Variants in LGALS13 observed in about 807,000 individuals in gnomAD.
LGALS13 encodes the protein galectin 13, also known as galactoside-binding soluble lectin 13.
In LGALS13, 11 loss-of-function variants were observed where a neutral mutation model predicts 13.2. The ratio of observed to expected loss-of-function variants is 0.83; its 90% confidence interval spans 0.52 to 1.38. LGALS13 has a LOEUF of 1.38. Ranked by LOEUF, LGALS13 falls within the 40% of genes most tolerant of loss-of-function variation. LGALS13 has a pLI of 0.00. For synonymous variants in LGALS13, 71 were observed against 63.7 expected (o/e 1.11, Z -0.54); for missense variants, 183 against 174.3 (o/e 1.05, Z -0.28).
At chr19:39,605,704 GA>G (rs1466824775) in intron 3 of LGALS13, among the ~76,000 whole-genome samples, 5 of 150,304 alleles carry the variant, frequency 3.3e-5, no homozygotes, top group African/African-American at 1.2e-4. Context: ...TATACTTCAG[GA>G]AAAAAAAGTT....
Position 39,603,272 on chromosome 19 carries a change from C to T in LGALS13, c.15+689C>T, listed in dbSNP as rs72480725. 0.011 allele frequency among the ~76,000 whole-genome samples: 1,699 copies of T among 152,040 alleles called. 181 individuals are homozygous for T. The East Asian group carries it at 0.26, about 24-fold the overall frequency. ...TAAGAGTGGGGAAGAGGAATGCAGA[C>T]TATGGGGGTGATGGTTCCTCAGGTG... On this transcript the variant is annotated intron_variant, in intron 1 of 3. Coordinates refer to ENST00000221797, the MANE Select transcript of LGALS13 (RefSeq NM_013268.3).
intron 1 of LGALS13, among the ~76,000 whole-genome samples, chr19:39,604,183 G>C (rs533699907): frequency 5.9e-5 from 9 of 152,252 alleles, no homozygotes; most frequent in African/African-American, 1.9e-4. Flanking sequence ...CTTTCAAGAG[G>C]ACTCTCCTGT....
At chr19:39,605,477 CA>C in intron 3 of LGALS13, 89 bp downstream of exon 3, 1 of 1,083,298 alleles carries the variant, frequency 9.2e-7, no homozygotes, top group East Asian at 2.5e-5. Context: ...AGTAGTCCGT[CA>C]GGGTCCATCT....
At chr19:39,602,630 CAAGA>C in intron 1 of LGALS13, 47 bp downstream of exon 1, 1 of 1,592,190 alleles carries the variant, frequency 6.3e-7, no homozygotes, top group East Asian at 2.2e-5. Context: ...TCACACAAAC[CAAGA>C]AAGAAATGGG....
chr19:39,603,816 C>T (rs1397836859), intron 1 of LGALS13: 1 of 430,076 alleles, frequency 2.3e-6, no homozygotes, highest in South Asian at 9.9e-5. Context: ...TGCATCCCTG[C>T]ATGTCAGCCT....
Position 39,602,548 on chromosome 19 carries a change from G to C in LGALS13, c.-21G>C. On this transcript the variant is annotated 5_prime_UTR_variant, in exon 1 of 4. Transcript: ENST00000221797. ...CAGAAGACTGGACTCAATTCTGAAG[G>C]TCGCCAAGAAGGAGAGAACAATGTC... The C allele has an allele frequency of 6.2e-7, 1 of 1,613,862 alleles. No homozygotes were observed. The highest frequency in any genetic ancestry group is 8.5e-7 in the Non-Finnish European group (1 of 1,179,720).
chr19:39,603,469 A>G (rs1472416621), intron 1 of LGALS13, among the ~76,000 whole-genome samples: 1 of 151,636 alleles, frequency 6.6e-6, no homozygotes, highest in Admixed American at 6.5e-5. Context: ...TATCCACTGT[A>G]AGCTCTGTCT....
intron 2 of LGALS13, chr19:39,604,969 G>A (rs954639763): frequency 3.0e-6 from 2 of 668,934 alleles, no homozygotes; most frequent in Non-Finnish European, 5.3e-6. Flanking sequence ...GTCAGTGACT[G>A]TGGCTCAGTT....
At position 39,605,156 on chromosome 19, in the gene LGALS13, A is replaced by G. The variant is rs2233706; in HGVS notation, c.93-22A>G. 1.0e-2 allele frequency: 15,971 copies of G among 1,604,926 alleles called. 899 individuals are homozygous for G. In the African/African-American group the frequency reaches 0.15, roughly 15 times the overall value. Reference sequence around the variant, plus strand: ...TGCGCAAGGGAGGGACCTGCCCAACATTCTGCGTGCTTCACCCTCAGCAAT... The same window carrying G: ...TGCGCAAGGGAGGGACCTGCCCAACGTTCTGCGTGCTTCACCCTCAGCAAT... On this transcript the variant is annotated intron_variant, in intron 2 of 3. Coordinates refer to ENST00000221797, the MANE Select transcript of LGALS13 (RefSeq NM_013268.3).
At chr19:39,603,978 G>C (rs879487733) in intron 1 of LGALS13, 17 of 985,264 alleles carry the variant, frequency 1.7e-5, no homozygotes, top group Admixed American at 6.1e-5. Flanking sequence ...AGTAGTGTGT[G>C]CCCCTTCTTG....
intron 3 of LGALS13, among the ~76,000 whole-genome samples, chr19:39,606,574 A>G (rs973932610): frequency 6.6e-6 from 1 of 152,230 alleles, no homozygotes; most frequent in African/African-American, 2.4e-5. Flanking sequence ...TACTTTCTCT[A>G]TAGCCTCAAT....
In LGALS13 at chr19:39,602,597, G is replaced by T; in HGVS notation, c.15+14G>T. On this transcript the variant is annotated intron_variant, in intron 1 of 3. Coordinates refer to ENST00000221797, the MANE Select transcript of LGALS13 (RefSeq NM_013268.3). ...TCTTCTTTACCCGTGAGTTGAAAAG[G>T]CACAGCCTTCAAAAATTTCGTGTCA... 6.2e-7 allele frequency: 1 copy of T among 1,613,884 alleles called. No individual in the cohort carries two copies. Among genetic ancestry groups the T allele is most frequent in the Non-Finnish European group, 8.5e-7 (1 of 1,179,754 alleles).
chr19:39,607,260 A>T lies in LGALS13; in HGVS notation c.341A>T (p.His114Leu), dbSNP rs1482104465. The T allele has an allele frequency of 1.1e-5, 18 of 1,614,140 alleles. No homozygotes were observed. Among genetic ancestry groups the T allele is most frequent in the Non-Finnish European group, 1.5e-5 (18 of 1,180,014 alleles). The change falls in exon 4 of 4, where the codon CAT (histidine) becomes CTT (leucine). Residue 114 changes from histidine to leucine, a missense_variant. Transcript: ENST00000221797. ...GGCATACGCATTTACGGCTTTGTCCATCGAATCCCGCCATCATTTGTGAAG... is the reference window on the plus strand; with the variant it reads ...GGCATACGCATTTACGGCTTTGTCCTTCGAATCCCGCCATCATTTGTGAAG... The part of the protein sequence containing the change: ...VNGIRIYGFV[H>L]RIPPSFVKMV...
chr19:39,605,464 C>T, intron 3 of LGALS13, 76 bp downstream of exon 3: 1 of 1,207,530 alleles, frequency 8.3e-7, no homozygotes, highest in South Asian at 1.2e-5. Context: ...TTGATCTGGC[C>T]TCAGTAGTCC....
In LGALS13 at chr19:39,604,635, G is replaced by C; in HGVS notation, c.49G>C (p.Gly17Arg). 1 of 1,614,064 alleles carries C rather than the reference G, an allele frequency of 6.2e-7. No individual in the cohort carries two copies. The highest frequency in any genetic ancestry group is 8.5e-7 in the Non-Finnish European group (1 of 1,180,034). The part of the protein sequence containing the change: ...PYKLPVSLSV[G>R]SCVIIKGTPI... ...CAAACTGCCTGTGTCTTTGTCTGTT[G>C]GTTCCTGCGTGATAATCAAAGGGAC... Residue 17 changes from glycine (G) to arginine (R), a missense_variant, in exon 2 of 4, where the codon GGT becomes CGT. Transcript: ENST00000221797.
At chr19:39,605,455 TGA>T (rs1972673052) in intron 3 of LGALS13, 67 bp downstream of exon 3, 3 of 1,320,292 alleles carry the variant, frequency 2.3e-6, no homozygotes, top group African/African-American at 1.4e-5. Context: ...CAGCTCTCAT[TGA>T]TCTGGCCTCA....
chr19:39,605,486 TC>T, intron 3 of LGALS13, 98 bp downstream of exon 3: 1 of 993,668 alleles, frequency 1.0e-6, no homozygotes, highest in Non-Finnish European at 1.6e-6. Flanking sequence ...TCAGGGTCCA[TC>T]TCCCATAACT....
chr19:39,607,414 C>T lies in LGALS13; in HGVS notation c.*75C>T. The T allele has an allele frequency of 1.1e-6, 1 of 940,036 alleles. No homozygotes were observed. Among genetic ancestry groups the T allele is most frequent in the South Asian group, 1.3e-5 (1 of 77,504 alleles). The allele number at this position is 940,036 out of a possible 1,614,324, so 58.2% of individuals were successfully genotyped here. On this transcript the variant is annotated 3_prime_UTR_variant, in exon 4 of 4. Coordinates refer to ENST00000221797, the MANE Select transcript of LGALS13 (RefSeq NM_013268.3). ...CCATGGGATTCCCAGAACCTGCTAA[C>T]AGAATAATCCCTGCTCACATTTTCC...
At position 39,605,172 on chromosome 19, in the gene LGALS13, C is replaced by A; in HGVS notation, c.93-6C>A. On this transcript the variant is annotated splice_polypyrimidine_tract_variant and splice_region_variant and intron_variant, in intron 2 of 3. Transcript: ENST00000221797. ...CTGCCCAACATTCTGCGTGCTTCAC[C>A]CTCAGCAATGACCCACAGCTGCAGG... 2 of 1,613,378 alleles carry A rather than the reference C, an allele frequency of 1.2e-6. No individual in the cohort carries two copies. Among genetic ancestry groups the A allele is most frequent in the Non-Finnish European group, 1.7e-6 (2 of 1,179,348 alleles).
Sources: gnomAD v4.1 joint callset for allele counts (sites outside exome capture counted in the v4.1 genomes callset) on GRCh38, gnomAD v4.1.1 for gene constraint, MANE v1.5 for transcripts, NCBI Gene and HGNC (gene_info 2026-07-23, HGNC 2026-07-21) for gene names.